The following NUBP1 variants were observed in gnomAD, a reference collection of about 807,000 sequenced individuals.
NUBP1 encodes the protein NUBP iron-sulfur cluster assembly factor 1, cytosolic.
A neutral mutation model predicts 41.8 loss-of-function variants in NUBP1; 46 were observed. That is an observed-to-expected ratio of 1.10 (90% CI 0.87 to 1.41). The LOEUF is 1.41. Ranked by LOEUF, NUBP1 falls within the 40% of genes most tolerant of loss-of-function variation. The probability of loss-of-function intolerance (pLI) is 0.00; values close to 1 mark genes in which losing one functional copy is unlikely to be tolerated. For missense variants in NUBP1, 494 were observed against 414.0 expected, an observed-to-expected ratio of 1.19 and a Z score of -1.68; for synonymous variants, 189 against 154.6, an observed-to-expected ratio of 1.22 and a Z score of -1.65.
At position 10,769,062 on chromosome 16, in the gene NUBP1, G is replaced by A. The variant is rs779047393; in HGVS notation, c.920G>A (p.Cys307Tyr). Residue 307 changes from cysteine (C) to tyrosine (Y), a missense_variant, in exon 11 of 11, where the codon TGT becomes TAT. Coordinates refer to ENST00000283027, the MANE Select transcript of NUBP1 (RefSeq NM_002484.4). ...TGTTTTCCAGGAATCCAAGAGTTTT[G>A]TAATCTCCATCAGTCAAAAGAAGAG... ...RSIIQRIQEF[C>Y]NLHQSKEENL... is the part of the protein sequence containing the mutation. The A allele has an allele frequency of 5.0e-6, 8 of 1,614,100 alleles. No individual in the cohort carries two copies. The Admixed American group carries it at 1.0e-4, about 20-fold the overall frequency.
chr16:10,752,117 G>C (rs544943454), intron 3 of NUBP1, among the ~76,000 whole-genome samples: 6 of 152,320 alleles, frequency 3.9e-5, no homozygotes, highest in Non-Finnish European at 7.3e-5. Context: ...TCTAGATTTG[G>C]CTTGTATCTG....
In NUBP1 at chr16:10,747,188, T is replaced by C. The variant is rs1900102398; in HGVS notation, c.170T>C (p.Ile57Thr). Residue 57 changes from isoleucine (I) to threonine (T), a missense_variant, in exon 3 of 11, where the codon ATC becomes ACC. Ile to Thr is a moderately conservative substitution (Grantham distance 89, BLOSUM62 -1). Transcript: ENST00000283027. ...KEKMKTVKHK[I>T]LVLSGKGGVG... ...AAAATGAAGACTGTAAAACACAAAA[T>C]CTTGGTATTGTCTGGGAAAGGCGGT... is the stretch of plus-strand genomic sequence containing the variant. 6.2e-7 allele frequency: 1 copy of C among 1,614,162 alleles called. No individual in the cohort carries two copies. Among genetic ancestry groups the C allele is most frequent in the Non-Finnish European group, 8.5e-7 (1 of 1,180,030 alleles).
chr16:10,761,463 C>T lies in NUBP1; in HGVS notation c.706C>T (p.Pro236Ser). The part of the protein sequence containing the change: ...VVENMSGFIC[P>S]KCKKESQIFP... The stretch of plus-strand genomic sequence containing the variant: ...GGAGAACATGAGTGGCTTCATCTGT[C>T]CTAAGTGCAAGGTGAGGGCGCGTGG... The change falls in exon 8 of 11, where the codon CCT (proline) becomes TCT (serine). Residue 236 changes from proline to serine, a missense_variant. By Grantham distance (74) the Pro-to-Ser change is moderately conservative. Coordinates refer to ENST00000283027, the MANE Select transcript of NUBP1 (RefSeq NM_002484.4). The T allele has an allele frequency of 6.2e-7, 1 of 1,613,864 alleles. No individual in the cohort carries two copies. Among genetic ancestry groups the T allele is most frequent in the Non-Finnish European group, 8.5e-7 (1 of 1,179,850 alleles).
In NUBP1 at chr16:10,761,472, A is replaced by C. The variant is rs554915911; in HGVS notation, c.715A>C (p.Lys239Gln). Residue 239 changes from lysine (K) to glutamine (Q), a missense_variant and splice_region_variant, in exon 8 of 11, where the codon AAG becomes CAG. Physicochemically the swap from Lys to Gln is moderately conservative, Grantham distance 53 (BLOSUM62 1). Coordinates refer to ENST00000283027, the MANE Select transcript of NUBP1 (RefSeq NM_002484.4). ...GAGTGGCTTCATCTGTCCTAAGTGC[A>C]AGGTGAGGGCGCGTGGGGCTGCCAG... is the stretch of plus-strand genomic sequence containing the variant. ...NMSGFICPKC[K>Q]KESQIFPPTT... The C allele has an allele frequency of 6.2e-6, 10 of 1,613,282 alleles. No individual in the cohort carries two copies.
In NUBP1 at chr16:10,743,966, C is replaced by A. The variant is rs761142433; in HGVS notation, c.25C>A (p.Pro9Thr). Reference sequence around the variant, plus strand: ...GTGGTCTTGTCTCTGCGCAGACTGTCCAGGGGCCGACAGCGCCCAGGCGGG... The same window carrying A: ...GTGGTCTTGTCTCTGCGCAGACTGTACAGGGGCCGACAGCGCCCAGGCGGG... MEEVPHDCPGADSAQAGRG... is the reference protein window; with the variant it reads MEEVPHDCTGADSAQAGRG... Residue 9 changes from proline to threonine, a missense_variant, in exon 2 of 11, where the codon CCA (proline) becomes ACA (threonine). By Grantham distance (38) the Pro-to-Thr change is conservative (BLOSUM62 -1). Transcript: ENST00000283027. 1.3e-6 allele frequency: 2 copies of A among 1,585,900 alleles called. No homozygotes were observed. The highest frequency in any genetic ancestry group is 4.6e-5 in the East Asian group (2 of 43,420).
At position 10,766,610 on chromosome 16, in the gene NUBP1, C is replaced by T. The variant is rs751769399; in HGVS notation, c.821-1339C>T. 1.2e-4 allele frequency: 23 copies of T among 187,136 alleles called. No individual in the cohort carries two copies. Among genetic ancestry groups the T allele is most frequent in the Non-Finnish European group, 2.2e-4 (20 of 92,016 alleles). The allele number at this position is 187,136 out of a possible 1,614,324, so 11.6% of individuals were successfully genotyped here. On this transcript the variant is annotated intron_variant, in intron 9 of 10. Transcript: ENST00000283027. This position sits in a 1 kb window ranked among gnomAD's most constrained non-coding sequence, Gnocchi z 4.8. ...GTTCCACATGGTCTCATGGGCCCAG[C>T]GTTAACGGCGGAGGATGTCCAGGTT...
chr16:10,767,820 GTTC>G lies in NUBP1; in HGVS notation c.821-125_821-123del. ...AGACCCCACTGGTCTTTTCTACTTT[GTTC>G]TTCATTACGAGTGAAGCGGGCTCAA... On this transcript the variant is annotated intron_variant, in intron 9 of 10. Coordinates refer to ENST00000283027, the MANE Select transcript of NUBP1 (RefSeq NM_002484.4). The surrounding 1 kb of genome is among the most constrained non-coding windows in gnomAD (Gnocchi z 4.6). 1 of 820,088 alleles carries G rather than the reference GTTC, an allele frequency of 1.2e-6. No individual in the cohort carries two copies. The highest frequency in any genetic ancestry group is 2.0e-6 in the Non-Finnish European group (1 of 501,848). The allele number at this position is 820,088 out of a possible 1,614,324, so 50.8% of individuals were successfully genotyped here. A position where few individuals can be genotyped will look rare whatever the true frequency, so the allele number is the denominator to read the frequency against.
chr16:10,766,949 C>G lies in NUBP1; in HGVS notation c.821-1000C>G. 1 of 398,766 alleles carries G rather than the reference C, an allele frequency of 2.5e-6. No homozygotes were observed. Among genetic ancestry groups the G allele is most frequent in the Non-Finnish European group, 4.4e-6 (1 of 226,138 alleles). The allele number at this position is 398,766 out of a possible 1,614,324, so 24.7% of individuals were successfully genotyped here. On this transcript the variant is annotated intron_variant, in intron 9 of 10. Coordinates refer to ENST00000283027, the MANE Select transcript of NUBP1 (RefSeq NM_002484.4). This position sits in a 1 kb window ranked among gnomAD's most constrained non-coding sequence, Gnocchi z 4.8. ...CTCTGGACCCTATTTTCCTGACTCA[C>G]TGGGCCATATGGGCTCCCCATCTCC... is the stretch of plus-strand genomic sequence containing the variant.
chr16:10,762,555 G>A (rs888659003), intron 9 of NUBP1, among the ~76,000 whole-genome samples: 4 of 152,352 alleles, frequency 2.6e-5, no homozygotes, highest in East Asian at 1.9e-4. Context: ...CCGCGGAGCC[G>A]GGCGGGCCTC....
rs542071161 is a variant in NUBP1, at chr16:10,768,137, CCA to C, written c.904+108_904+109del. 8.9e-4 allele frequency: 906 copies of C among 1,012,762 alleles called. 1 individual carries two copies. The highest frequency in any genetic ancestry group is 1.2e-3 in the Non-Finnish European group (788 of 663,924). 62.7% of individuals were successfully genotyped at this position (1,012,762 alleles called of 1,614,324 possible). On this transcript the variant is annotated intron_variant, in intron 10 of 10. Transcript: ENST00000283027. The surrounding 1 kb of genome is among the most constrained non-coding windows in gnomAD (Gnocchi z 4.3). ...AGGTGGGTGGTGGGGTCTGTGATGA[CCA>C]CAGAGTGGCCCCCATAGCCGAGGAA...
chr16:10,761,933 G>A (rs1034399271), intron 9 of NUBP1, 74 bp downstream of exon 9: 39 of 1,186,092 alleles, frequency 3.3e-5, no homozygotes, highest in Non-Finnish European at 4.7e-5. Context: ...CACAACAGGG[G>A]GCGGCTACAG....
intron 9 of NUBP1, among the ~76,000 whole-genome samples, chr16:10,764,295 G>T (rs549482201): frequency 6.6e-6 from 1 of 152,384 alleles, no homozygotes; most frequent in South Asian, 2.1e-4. Flanking sequence ...CAGTCTGCTG[G>T]AGTATTTGTC....
intron 3 of NUBP1, among the ~76,000 whole-genome samples, chr16:10,748,647 C>A (rs1473381697): frequency 6.6e-6 from 1 of 152,138 alleles, no homozygotes; most frequent in Non-Finnish European, 1.5e-5. Context: ...AGCACGGGGC[C>A]CGACGAATAG....
chr16:10,744,134 G>C (rs929060755), intron 2 of NUBP1, 69 bp downstream of exon 2: 26 of 1,174,994 alleles, frequency 2.2e-5, no homozygotes, highest in Non-Finnish European at 2.5e-5. Flanking sequence ...GCGTGGGAGG[G>C]AGGGGGCGGG....
At chr16:10,744,793 T>C (rs886267507) in intron 2 of NUBP1, among the ~76,000 whole-genome samples, 1 of 145,926 alleles carries the variant, frequency 6.9e-6, no homozygotes, top group East Asian at 1.9e-4. Context: ...AGTCTTGCTG[T>C]GTAGCCCAGA....
At chr16:10,758,885 C>A (rs1900751713) in intron 7 of NUBP1, among the ~76,000 whole-genome samples, 1 of 152,162 alleles carries the variant, frequency 6.6e-6, no homozygotes, top group African/African-American at 2.4e-5. Flanking sequence ...CATGGTGAGC[C>A]CGAGCTGAGA....
intron 2 of NUBP1, among the ~76,000 whole-genome samples, chr16:10,745,336 G>A (rs553518075): frequency 2.0e-5 from 3 of 152,228 alleles, no homozygotes; most frequent in South Asian, 4.2e-4. Context: ...GCATGGTGGT[G>A]CATGCCCGCC....
chr16:10,754,151 C>G (rs8043570), intron 4 of NUBP1, among the ~76,000 whole-genome samples: 41,067 of 152,058 alleles, frequency 0.27, 6,708 homozygotes, highest in East Asian at 0.49. Context: ...ATCCTGTTTA[C>G]CCCTCTTTTA....
intron 9 of NUBP1, among the ~76,000 whole-genome samples, chr16:10,762,266 C>T (rs528357761): frequency 3.9e-5 from 6 of 152,186 alleles, no homozygotes; most frequent in South Asian, 4.2e-4. Context: ...GAAGCCAGCA[C>T]GGCACAGATG....
Sources: gnomAD v4.1 joint callset for allele counts (sites outside exome capture counted in the v4.1 genomes callset) on GRCh38, gnomAD v4.1.1 for gene constraint, Gnocchi (gnomAD v3.1) non-coding constraint, MANE v1.5 for transcripts, NCBI Gene and HGNC (gene_info 2026-07-23, HGNC 2026-07-21) for gene names.